CSMD1: variants seen among roughly 807,000 people sequenced by gnomAD.
CSMD1 encodes the protein CUB and Sushi multiple domains 1.
CSMD1 carries 213 observed loss-of-function variants against 417.5 expected under a neutral mutation model. That is an observed-to-expected ratio of 0.51 (90% CI 0.46 to 0.57). The LOEUF is 0.57. Ranked by LOEUF, CSMD1 falls within the 20% of genes least tolerant of loss-of-function variation. The pLI, the probability that CSMD1 is intolerant of heterozygous loss-of-function variation, is 0.00. For missense variants in CSMD1, 6,923 were observed against 4,529.7 expected, an observed-to-expected ratio of 1.53 and a Z score of -15.17; for synonymous variants, 2,862 against 1,736.8, an observed-to-expected ratio of 1.65 and a Z score of -16.11.
In CSMD1 at chr8:3,646,583, G is replaced by C. The variant is rs116666399; in HGVS notation, c.1010-29786C>G. Reference sequence around the variant, plus strand: ...AGCTTGTTTCCCCTGATTCTCAGTAGGACCGCCCAAAGTAGCAGTCAGGGA... The same window carrying C: ...AGCTTGTTTCCCCTGATTCTCAGTACGACCGCCCAAAGTAGCAGTCAGGGA... On this transcript the variant is annotated intron_variant, in intron 7 of 69. Coordinates refer to ENST00000635120, the MANE Select transcript of CSMD1 (RefSeq NM_033225.6). 5.5e-3 allele frequency among the ~76,000 whole-genome samples: 840 copies of C among 152,274 alleles called. 13 individuals are homozygous for C. Among genetic ancestry groups the C allele is most frequent in the African/African-American group, 0.019 (796 of 41,550 alleles).
At position 3,369,385 on chromosome 8, in the gene CSMD1, G is replaced by C. The variant is rs1408257205; in HGVS notation, c.2783-15C>G. 13 of 1,284,116 alleles carry C rather than the reference G, an allele frequency of 1.0e-5. No individual in the cohort carries two copies. In the South Asian group the frequency reaches 1.2e-4, roughly 12 times the overall value. 79.5% of individuals were successfully genotyped at this position (1,284,116 alleles called of 1,614,324 possible). On this transcript the variant is annotated splice_polypyrimidine_tract_variant and intron_variant, in intron 18 of 69. Coordinates refer to ENST00000635120, the MANE Select transcript of CSMD1 (RefSeq NM_033225.6). ...TCCACATAGAGCTTAAAATAATAAA[G>C]AGAGATGATTACAGCACTAAAGTTT...
chr8:3,388,342 C>T (rs2116815358), intron 17 of CSMD1, among the ~76,000 whole-genome samples: 1 of 152,172 alleles, frequency 6.6e-6, no homozygotes, highest in Middle Eastern at 3.4e-3. Context: ...TTCTTTTCTC[C>T]TCTCACATTT....
chr8:3,441,741 C>A (rs1814996598), intron 12 of CSMD1, among the ~76,000 whole-genome samples: 1 of 152,076 alleles, frequency 6.6e-6, no homozygotes, highest in South Asian at 2.1e-4. Flanking sequence ...CAACTGTACA[C>A]AGCAGGTAAC....
chr8:4,955,783 G>GAATCCCA (rs879805726), intron 1 of CSMD1, among the ~76,000 whole-genome samples: 70,676 of 151,780 alleles, frequency 0.47, 17,388 homozygotes, highest in East Asian at 0.78. Flanking sequence ...ATGTTAGGTG[G>GAATCCCA]TGGCGTAACA....
At chr8:3,556,749 G>C (rs1397554368) in intron 10 of CSMD1, among the ~76,000 whole-genome samples, 5 of 151,964 alleles carry the variant, frequency 3.3e-5, no homozygotes, top group South Asian at 2.1e-4. Context: ...AGCTTTATTA[G>C]CTTTCAAGCC....
intron 3 of CSMD1, among the ~76,000 whole-genome samples, chr8:4,244,331 G>C (rs1256168638): frequency 2.6e-5 from 4 of 152,106 alleles, no homozygotes; most frequent in South Asian, 2.1e-4. Context: ...AACTTTGCCT[G>C]GAGCTCCAAG....
intron 3 of CSMD1, among the ~76,000 whole-genome samples, chr8:4,063,674 G>A (rs1487961312): frequency 2.6e-5 from 4 of 152,200 alleles, no homozygotes; most frequent in South Asian, 4.1e-4. Flanking sequence ...ATTCTACCAG[G>A]AAGGATAAGC....
In CSMD1 at chr8:4,901,409, A is replaced by T. The variant is rs1804860955; in HGVS notation, c.85+92923T>A. 2.6e-5 allele frequency among the ~76,000 whole-genome samples: 4 copies of T among 152,216 alleles called. No individual in the cohort carries two copies. In the South Asian group the frequency reaches 8.3e-4, roughly 31 times the overall value. ...GGATTTCTACACTTGAAAGCAGCTCATTGCTTCTTCCATTATTCAAGTTTT... is the reference window on the plus strand; with the variant it reads ...GGATTTCTACACTTGAAAGCAGCTCTTTGCTTCTTCCATTATTCAAGTTTT... On this transcript the variant is annotated intron_variant, in intron 1 of 69. Transcript: ENST00000635120.
chr8:2,955,819 C>T (rs963401612), intron 63 of CSMD1, 51 bp from the exon 64 acceptor site: 19 of 1,543,560 alleles, frequency 1.2e-5, no homozygotes, highest in East Asian at 2.3e-5. Flanking sequence ...AAAGTTAGCA[C>T]ATGTGTCTAG....
chr8:4,891,892 T>A (rs866575000), intron 1 of CSMD1, among the ~76,000 whole-genome samples: 3 of 152,112 alleles, frequency 2.0e-5, no homozygotes, highest in Non-Finnish European at 4.4e-5. Context: ...CTGTATTAGA[T>A]TCTATTTTAG....
intron 5 of CSMD1, among the ~76,000 whole-genome samples, chr8:3,823,377 A>C (rs1309985948): frequency 2.0e-5 from 3 of 151,876 alleles, no homozygotes; most frequent in East Asian, 1.9e-4. Context: ...TATTTAAAGG[A>C]AAGTTAAATA....
In CSMD1 at chr8:3,731,238, C is replaced by A. The variant is rs114604069; in HGVS notation, c.931+22692G>T. Reference sequence around the variant, plus strand: ...CTTCCCACTGTCCTCCTTCCCCCAGCAAACAATGACGTGCATTCTACATTG... The same window carrying A: ...CTTCCCACTGTCCTCCTTCCCCCAGAAAACAATGACGTGCATTCTACATTG... On this transcript the variant is annotated intron_variant, in intron 6 of 69. Coordinates refer to ENST00000635120, the MANE Select transcript of CSMD1 (RefSeq NM_033225.6). Among the ~76,000 whole-genome samples, 699 of 152,290 alleles carry A rather than the reference C, an allele frequency of 4.6e-3. 7 individuals carry two copies. Among genetic ancestry groups the A allele is most frequent in the African/African-American group, 0.016 (674 of 41,560 alleles).
At chr8:4,560,420 G>C (rs925932380) in intron 2 of CSMD1, among the ~76,000 whole-genome samples, 2 of 152,334 alleles carry the variant, frequency 1.3e-5, no homozygotes, top group African/African-American at 2.4e-5. Flanking sequence ...AAAAGATCAT[G>C]TCTGATGGGC....
At chr8:4,772,656 G>A (rs1796660332) in intron 1 of CSMD1, among the ~76,000 whole-genome samples, 1 of 152,078 alleles carries the variant, frequency 6.6e-6, no homozygotes, top group Admixed American at 6.6e-5. Context: ...GAATCTGAAG[G>A]TACAGAAAAG....
At chr8:2,983,370 T>C (rs1290350258) in intron 54 of CSMD1, among the ~76,000 whole-genome samples, 1 of 152,186 alleles carries the variant, frequency 6.6e-6, no homozygotes, top group African/African-American at 2.4e-5. Flanking sequence ...GTATTTTTAG[T>C]AGAGACAGAG....
At chr8:3,929,116 T>G (rs1809960191) in intron 5 of CSMD1, among the ~76,000 whole-genome samples, 1 of 150,248 alleles carries the variant, frequency 6.7e-6, no homozygotes, top group Admixed American at 6.6e-5. Flanking sequence ...GAGATGAAAC[T>G]CTGCACATAA....
chr8:4,497,607 G>A (rs1468941850), intron 2 of CSMD1, among the ~76,000 whole-genome samples: 3 of 152,246 alleles, frequency 2.0e-5, no homozygotes, highest in East Asian at 3.9e-4. Context: ...TTTAGGCAAA[G>A]GCAGGCATTT....
intron 3 of CSMD1, among the ~76,000 whole-genome samples, chr8:4,267,977 A>C (rs1804327313): frequency 6.6e-6 from 1 of 152,146 alleles, no homozygotes; most frequent in Non-Finnish European, 1.5e-5. Flanking sequence ...TTCTAGAGTC[A>C]GTACAAGTGA....
At chr8:3,622,448 T>C (rs371187522) in intron 7 of CSMD1, among the ~76,000 whole-genome samples, 42 of 152,226 alleles carry the variant, frequency 2.8e-4, no homozygotes, top group African/African-American at 9.9e-4. Flanking sequence ...TGTCTCCTTT[T>C]CTATTTTTCT....
Sources: allele counts gnomAD v4.1 joint callset (sites outside exome capture counted in the v4.1 genomes callset), GRCh38; gene constraint gnomAD v4.1.1; transcripts MANE v1.5; gene names NCBI Gene and HGNC (gene_info 2026-07-23, HGNC 2026-07-21).